Variants in GNA12 observed in about 807,000 individuals in gnomAD.
GNA12 encodes the protein G protein subunit alpha 12.
Under a neutral mutation model 26.0 loss-of-function variants are expected in GNA12, and 9 were observed. The ratio of observed to expected loss-of-function variants is 0.35; its 90% CI spans 0.21 to 0.60. The LOEUF is 0.60. GNA12 is among the 20% of genes least tolerant of loss of function. The pLI is 0.78. For missense variants in GNA12, 405 were observed against 525.8 expected (o/e 0.77, Z 2.25); for synonymous variants, 264 against 219.6 (o/e 1.20, Z -1.79).
At chr7:2,741,663 T>G (rs923134651) in intron 2 of GNA12, among the ~76,000 whole-genome samples, 1 of 146,398 alleles carries the variant, frequency 6.8e-6, no homozygotes, top group African/African-American at 2.5e-5. Context: ...TCTTCTCTCA[T>G]TTGCTTTATC....
intron 2 of GNA12, 122 bp from the exon 3 acceptor site, chr7:2,733,623 G>A: frequency 3.2e-5 from 23 of 720,334 alleles, no homozygotes; most frequent in Admixed American, 2.0e-4. Flanking sequence ...GGAAAGCAAA[G>A]GAAAAAGGCA....
intron 2 of GNA12, among the ~76,000 whole-genome samples, chr7:2,757,129 CTTTTTT>C (rs71026549): frequency 0.12 from 11,424 of 93,986 alleles, 571 homozygotes; most frequent in Middle Eastern, 0.28. Context: ...TCAGGTGGGC[CTTTTTT>C]TTTTTTTTTT....
intron 2 of GNA12, among the ~76,000 whole-genome samples, chr7:2,751,662 G>C (rs559527663): frequency 6.6e-6 from 1 of 152,204 alleles, no homozygotes; most frequent in Admixed American, 6.5e-5. Context: ...CAAATCTCCA[G>C]TATCAGGAAT....
Position 2,791,372 on chromosome 7 carries a change from A to G in GNA12, c.525+3556T>C, listed in dbSNP as rs565137872. Among the ~76,000 whole-genome samples, 4 of 152,342 alleles carry G rather than the reference A, an allele frequency of 2.6e-5. 1 individual carries two copies. Among genetic ancestry groups the G allele is most frequent in the African/African-American group, 9.6e-5 (4 of 41,582 alleles). ...CAAGGGGCCAGTGGGGAAGGCGGCC[A>G]GGCTGCCTCCCCTATGGAAAGGGAA... On this transcript the variant is annotated intron_variant, in intron 2 of 3. Coordinates refer to ENST00000275364, the MANE Select transcript of GNA12 (RefSeq NM_007353.3).
chr7:2,803,808 C>A lies in GNA12; in HGVS notation c.310-8665G>T, dbSNP rs1342500269. ...CCTAAAAGTCCAAAACAAAACAAAA[C>A]AAAACAAACAAACAAAAAAACAACT... On this transcript the variant is annotated intron_variant, in intron 1 of 3. Transcript: ENST00000275364. 8.0e-4 allele frequency among the ~76,000 whole-genome samples: 120 copies of A among 149,364 alleles called. 1 individual carries two copies. In the Middle Eastern group the frequency reaches 0.035, roughly 44 times the overall value.
intron 1 of GNA12, among the ~76,000 whole-genome samples, chr7:2,826,208 C>T (rs565327712): frequency 6.6e-6 from 1 of 152,008 alleles, no homozygotes; most frequent in South Asian, 2.1e-4. Flanking sequence ...GAAACTTTGT[C>T]TCTACTAAAA....
intron 1 of GNA12, among the ~76,000 whole-genome samples, chr7:2,822,054 T>C (rs1213570124): frequency 1.3e-5 from 2 of 152,194 alleles, no homozygotes; most frequent in Non-Finnish European, 2.9e-5. Flanking sequence ...AAATGTGATA[T>C]ACACATCAAC....
At chr7:2,774,010 G>C (rs1792013653) in intron 2 of GNA12, among the ~76,000 whole-genome samples, 1 of 152,114 alleles carries the variant, frequency 6.6e-6, no homozygotes, top group African/African-American at 2.4e-5. Context: ...AGTAACACAG[G>C]AGTAAATACC....
rs971795269 is a variant in GNA12, at chr7:2,728,424, G to C, written c.*2757C>G. The C allele has an allele frequency of 6.6e-6, 1 of 152,002 alleles. No individual in the cohort carries two copies. Among genetic ancestry groups the C allele is most frequent in the Admixed American group, 6.6e-5 (1 of 15,240 alleles). 9.4% of individuals were successfully genotyped at this position (152,002 alleles called of 1,614,324 possible). A position where few individuals can be genotyped will look rare whatever the true frequency, so the allele number is the denominator to read the frequency against. On this transcript the variant is annotated 3_prime_UTR_variant, in exon 4 of 4. Coordinates refer to ENST00000275364, the MANE Select transcript of GNA12 (RefSeq NM_007353.3). ...GGAAAATTACAATAAGAATTCTAGA[G>C]ATCTCTATAAATTACAGACCTATGA...
chr7:2,749,104 G>A (rs1301970094), intron 2 of GNA12, among the ~76,000 whole-genome samples: 6 of 152,102 alleles, frequency 3.9e-5, no homozygotes, highest in Non-Finnish European at 7.4e-5. Flanking sequence ...TCAGTGTGGC[G>A]ATTCCTCAGG....
chr7:2,763,037 G>C, intron 2 of GNA12: 1 of 1,252,702 alleles, frequency 8.0e-7, no homozygotes, highest in Non-Finnish European at 1.0e-6. Flanking sequence ...CCAGGACTCA[G>C]CGTGCCGTTC....
intron 1 of GNA12, among the ~76,000 whole-genome samples, chr7:2,826,246 T>C (rs945943495): frequency 2.6e-4 from 39 of 151,668 alleles, no homozygotes; most frequent in African/African-American, 9.2e-4. Flanking sequence ...GGCTTGGTGG[T>C]GGATGCCTGT....
intron 2 of GNA12, among the ~76,000 whole-genome samples, chr7:2,772,975 C>T (rs192252934): frequency 1.6e-3 from 242 of 152,338 alleles, no homozygotes; most frequent in Non-Finnish European, 2.6e-3. Context: ...TACCAATCCA[C>T]GTAGCAACAC....
chr7:2,733,279 G>A (rs777377607), intron 3 of GNA12, among the ~76,000 whole-genome samples, 172 bp downstream of exon 3: 1 of 152,132 alleles, frequency 6.6e-6, no homozygotes, highest in Non-Finnish European at 1.5e-5. Flanking sequence ...CCACTGAGAC[G>A]GGGCCCAGAT....
chr7:2,805,563 C>A (rs967151650), intron 1 of GNA12, among the ~76,000 whole-genome samples: 1 of 152,164 alleles, frequency 6.6e-6, no homozygotes, highest in Non-Finnish European at 1.5e-5. Context: ...GATAAGGGAG[C>A]AGAGGAACAG....
intron 2 of GNA12, among the ~76,000 whole-genome samples, chr7:2,780,048 G>GTATATATATA (rs1554259618): frequency 1.9e-4 from 16 of 84,726 alleles, no homozygotes; most frequent in African/African-American, 5.7e-4. Flanking sequence ...ACATTTCTGT[G>GTATATATATA]TACATATATA....
intron 1 of GNA12, among the ~76,000 whole-genome samples, chr7:2,843,245 T>C (rs1011761677): frequency 2.0e-5 from 3 of 152,152 alleles, no homozygotes; most frequent in African/African-American, 4.8e-5. Flanking sequence ...ACAGATACCA[T>C]TCTGCTAGGG....
chr7:2,734,763 G>A (rs938942444), intron 2 of GNA12, among the ~76,000 whole-genome samples: 4 of 152,214 alleles, frequency 2.6e-5, no homozygotes, highest in African/African-American at 9.6e-5. Context: ...CCCCATCCCA[G>A]CACTGCCTGT....
At chr7:2,740,021 C>A (rs2115322945) in intron 2 of GNA12, among the ~76,000 whole-genome samples, 1 of 152,274 alleles carries the variant, frequency 6.6e-6, no homozygotes, top group Non-Finnish European at 1.5e-5. Flanking sequence ...CCAAGCTGTT[C>A]TCCACGGCGG....
Sources: allele counts gnomAD v4.1 joint callset (sites outside exome capture counted in the v4.1 genomes callset), GRCh38; gene constraint gnomAD v4.1.1; transcripts MANE v1.5; gene names NCBI Gene and HGNC (gene_info 2026-07-23, HGNC 2026-07-21).